ZNF454: variants seen among roughly 807,000 people sequenced by gnomAD.
The protein encoded by ZNF454 is zinc finger protein 454.
ZNF454 carries 30 observed loss-of-function variants against 48.2 expected under a neutral mutation model. That is an observed-to-expected ratio of 0.62 (90% CI 0.47 to 0.84). ZNF454 has a LOEUF of 0.84. ZNF454 is among the 40% of genes least tolerant of loss of function. The pLI is 0.00. For missense variants in ZNF454, 510 were observed against 623.1 expected, an observed-to-expected ratio of 0.82 and a Z score of 1.93; for synonymous variants, 204 against 211.4, an observed-to-expected ratio of 0.97 and a Z score of 0.30.
In ZNF454 at chr5:178,944,026, CAAAAATA is replaced by C. The variant is rs1262005173; in HGVS notation, c.33+1215_33+1221del. 6.6e-6 allele frequency among the ~76,000 whole-genome samples: 1 copy of C among 152,054 alleles called. No homozygotes were observed. Among genetic ancestry groups the C allele is most frequent in the African/African-American group, 2.4e-5 (1 of 41,412 alleles). On this transcript the variant is annotated intron_variant, in intron 2 of 4. Coordinates refer to ENST00000519564, the MANE Select transcript of ZNF454 (RefSeq NM_001178089.3). This position sits in a 1 kb window ranked among gnomAD's most constrained non-coding sequence, Gnocchi z 4.1. ...TGAGTGACAGAGCGAGACTCCATCT[CAAAAATA>C]AAAAATAAAAAAGAATATGGACTGT...
the ZNF454 span, chr5:178,979,705 A>G: frequency 6.6e-6 from 1 of 152,270 alleles, no homozygotes. Flanking sequence ...ACATGAATGT[A>G]AAACTGTGGA....
intron 4 of ZNF454, among the ~76,000 whole-genome samples, chr5:178,957,979 C>T (rs1759846679): frequency 6.6e-6 from 1 of 152,118 alleles, no homozygotes; most frequent in African/African-American, 2.4e-5. Flanking sequence ...TTTTTAATCA[C>T]AATCAATAAA....
chr5:178,968,699 T>A (rs927766291), downstream of ZNF454: 7 of 449,244 alleles, frequency 1.6e-5, no homozygotes, highest in Admixed American at 2.4e-5. Context: ...ATCCATGTAA[T>A]GTGCCAGGTC....
At chr5:178,975,478 A>G in the ZNF454 span, among the ~76,000 whole-genome samples, 1 of 152,206 alleles carries the variant, frequency 6.6e-6, no homozygotes, top group African/African-American at 2.4e-5. Flanking sequence ...GGTGTCCACT[A>G]CACTATTCTG....
chr5:178,952,965 T>A (rs1260020114), intron 4 of ZNF454, among the ~76,000 whole-genome samples: 1 of 152,178 alleles, frequency 6.6e-6, no homozygotes, highest in Non-Finnish European at 1.5e-5. Context: ...AAGCATTTAA[T>A]GAAACTGTAT....
intron 4 of ZNF454, among the ~76,000 whole-genome samples, chr5:178,959,668 C>G (rs185090956): frequency 6.8e-6 from 1 of 147,346 alleles, no homozygotes; most frequent in East Asian, 2.1e-4. Context: ...TGCAGTGGCA[C>G]AATCTCAGCT....
chr5:178,979,544 A>G, the ZNF454 span: 2 of 152,348 alleles, frequency 1.3e-5, no homozygotes, highest in South Asian at 4.1e-4. Context: ...AGGCATGAAC[A>G]TGGCAGAGTG....
the ZNF454 span, chr5:178,980,833 C>T: frequency 6.6e-6 from 1 of 152,252 alleles, no homozygotes; most frequent in Non-Finnish European, 1.5e-5. This position sits in a 1 kb window ranked among gnomAD's most constrained non-coding sequence, Gnocchi z 4.3. Context: ...AGGGTTTCAC[C>T]ACATTGGCCA....
the ZNF454 span, chr5:178,980,245 A>T: frequency 6.8e-6 from 1 of 146,782 alleles, no homozygotes. This position sits in a 1 kb window ranked among gnomAD's most constrained non-coding sequence, Gnocchi z 4.3. Flanking sequence ...GATCTTAAAC[A>T]GTGGTCAATT....
intron 2 of ZNF454, among the ~76,000 whole-genome samples, chr5:178,945,668 T>G (rs1385228153): frequency 6.9e-6 from 1 of 143,974 alleles, no homozygotes; most frequent in Non-Finnish European, 1.5e-5. Context: ...TGGGTATGTA[T>G]GCTTGTGTGT....
chr5:178,985,090 C>T, the ZNF454 span, among the ~76,000 whole-genome samples: 102 of 152,250 alleles, frequency 6.7e-4, no homozygotes, highest in Middle Eastern at 3.4e-3. Flanking sequence ...GGATGGAATT[C>T]GATGCTCTTC....
chr5:178,979,020 G>A, the ZNF454 span: 5 of 152,562 alleles, frequency 3.3e-5, no homozygotes, highest in Admixed American at 2.6e-4. Flanking sequence ...GGGAGGTGGA[G>A]GCAGGAGGAT....
At chr5:178,950,792 T>C (rs1317845610) in intron 4 of ZNF454, among the ~76,000 whole-genome samples, 1 of 152,106 alleles carries the variant, frequency 6.6e-6, no homozygotes, top group African/African-American at 2.4e-5. Flanking sequence ...TGTCCTCTTA[T>C]TTCCAATTTT....
Position 178,946,847 on chromosome 5 carries a change from A to C in ZNF454, c.161-50A>C. On this transcript the variant is annotated intron_variant, in intron 3 of 4. Transcript: ENST00000519564. This position sits in a 1 kb window ranked among gnomAD's most constrained non-coding sequence, Gnocchi z 4.5. ...AGGCTTTGTCTTTGCAGTGATTTTT[A>C]TCTCTCGTATAAACAGATGTGGTTC... 2.0e-6 allele frequency: 3 copies of C among 1,527,240 alleles called. No individual in the cohort carries two copies. The highest frequency in any genetic ancestry group is 1.8e-6 in the Non-Finnish European group (2 of 1,107,720). The allele number at this position is 1,527,240 out of a possible 1,614,324, so 94.6% of individuals were successfully genotyped here. A position where few individuals can be genotyped will look rare whatever the true frequency, so the allele number is the denominator to read the frequency against.
the ZNF454 span, chr5:178,989,061 C>T: frequency 1.2e-6 from 2 of 1,614,060 alleles, no homozygotes; most frequent in Non-Finnish European, 1.7e-6. Context: ...TGGGCAATGG[C>T]GTACACCGCA....
chr5:178,981,640 C>G, the ZNF454 span: 2 of 1,597,280 alleles, frequency 1.3e-6, no homozygotes, highest in African/African-American at 1.3e-5. The surrounding 1 kb of genome is among the most constrained non-coding windows in gnomAD (Gnocchi z 5.1). Flanking sequence ...CAAGCAGTCC[C>G]GTTCCCACCT....
intron 4 of ZNF454, among the ~76,000 whole-genome samples, chr5:178,960,716 A>T (rs1456719511): frequency 6.6e-6 from 1 of 151,742 alleles, no homozygotes; most frequent in Non-Finnish European, 1.5e-5. Flanking sequence ...AATTTGTTGT[A>T]TGTTCCTGGA....
downstream of ZNF454, chr5:178,968,976 G>T: frequency 2.4e-6 from 1 of 410,458 alleles, no homozygotes. Flanking sequence ...CTCTCATCAG[G>T]CTTGGGTTTT....
chr5:178,985,313 C>A, the ZNF454 span: 1 of 454,516 alleles, frequency 2.2e-6, no homozygotes, highest in Non-Finnish European at 4.4e-6. Context: ...CACCTGACTG[C>A]CCCGTTTTCC....
Sources: gnomAD v4.1 joint callset for allele counts (sites outside exome capture counted in the v4.1 genomes callset) on GRCh38, gnomAD v4.1.1 for gene constraint, Gnocchi (gnomAD v3.1) non-coding constraint, MANE v1.5 for transcripts, NCBI Gene and HGNC (gene_info 2026-07-23, HGNC 2026-07-21) for gene names.